The following DNAH5 variants were observed in gnomAD, a reference collection of about 807,000 sequenced individuals.
DNAH5 encodes dynein axonemal heavy chain 5.
Under a neutral mutation model 518.2 loss-of-function variants are expected in DNAH5, and 372 were observed. The observed-to-expected ratio is 0.72, with a 90% CI of 0.66 to 0.78. DNAH5 has a LOEUF of 0.78. Ranked by LOEUF, DNAH5 falls within the 30% of genes least tolerant of loss-of-function variation. The probability of loss-of-function intolerance (pLI) is 0.00; values close to 1 mark genes in which losing one functional copy is unlikely to be tolerated. For missense variants in DNAH5, 5,523 were observed against 5,687.0 expected (o/e 0.97, Z 0.93); for synonymous variants, 2,039 against 2,025.9 (o/e 1.01, Z -0.17).
At chr5:14,004,951 A>C (rs1784617967) in intron 1 of DNAH5, among the ~76,000 whole-genome samples, 1 of 151,970 alleles carries the variant, frequency 6.6e-6, no homozygotes, top group Non-Finnish European at 1.5e-5. Context: ...GTCCCAAACC[A>C]TCCCACGCAT....
intron 1 of DNAH5, among the ~76,000 whole-genome samples, chr5:14,011,080 G>A (rs1785080876): frequency 6.6e-6 from 1 of 151,298 alleles, no homozygotes; most frequent in African/African-American, 2.4e-5. Flanking sequence ...CACCTGCTCC[G>A]ATGCGCACCG....
chr5:13,818,463 G>A (rs907147784), intron 41 of DNAH5, among the ~76,000 whole-genome samples: 3 of 152,316 alleles, frequency 2.0e-5, no homozygotes, highest in Admixed American at 1.3e-4. Flanking sequence ...CAGGCATGGC[G>A]GAAGTGCCAA....
chr5:13,843,495 T>C (rs1190644972), intron 32 of DNAH5, among the ~76,000 whole-genome samples: 1 of 152,206 alleles, frequency 6.6e-6, no homozygotes, highest in Non-Finnish European at 1.5e-5. Flanking sequence ...CTGATACCTG[T>C]GAATGTGACA....
At position 13,753,526 on chromosome 5, in the gene DNAH5, A is replaced by G; in HGVS notation, c.10579T>C (p.Phe3527Leu). The G allele has an allele frequency of 1.2e-6, 2 of 1,613,924 alleles. No homozygotes were observed. Among genetic ancestry groups the G allele is most frequent in the Non-Finnish European group, 1.7e-6 (2 of 1,179,932 alleles). The part of the protein sequence containing the change: ...LVGDVLLATA[F>L]LSYSGPFNQE... ...TTAAATGGACCAGAATAAGATAGAA[A>G]AGCTGTAGCCAACAGTACATCCCCT... Residue 3527 changes from phenylalanine to leucine, a missense_variant, in exon 63 of 79, where the codon TTT becomes CTT. Transcript: ENST00000265104.
intron 78 of DNAH5, among the ~76,000 whole-genome samples, chr5:13,692,418 C>G (rs563653111): frequency 1.3e-5 from 2 of 152,178 alleles, no homozygotes; most frequent in East Asian, 3.9e-4. Context: ...CTTCCTCTCT[C>G]TCCTTTGCAC....
chr5:13,709,619 G>T (rs1178604767), intron 75 of DNAH5, among the ~76,000 whole-genome samples: 2 of 152,124 alleles, frequency 1.3e-5, no homozygotes, highest in Non-Finnish European at 2.9e-5. Flanking sequence ...ATTAGCTCCG[G>T]ATCTACTCCA....
At chr5:13,983,429 A>G (rs974672403) in intron 1 of DNAH5, among the ~76,000 whole-genome samples, 14 of 152,356 alleles carry the variant, frequency 9.2e-5, no homozygotes, top group African/African-American at 3.4e-4. Flanking sequence ...TGGGGAGGTT[A>G]TAGCTATTGA....
chr5:13,976,817 G>A (rs1309000521), intron 1 of DNAH5, among the ~76,000 whole-genome samples: 1 of 151,794 alleles, frequency 6.6e-6, no homozygotes. Flanking sequence ...GATAAGGAGG[G>A]ATTACTGTAT....
intron 1 of DNAH5, chr5:13,932,009 G>A (rs1390878340): frequency 6.6e-6 from 1 of 152,202 alleles, no homozygotes; most frequent in Admixed American, 6.6e-5. Flanking sequence ...TAGACGTTCA[G>A]CTTCCAATTC....
chr5:13,809,084 C>G lies in DNAH5; in HGVS notation c.7712G>C (p.Arg2571Thr), dbSNP rs746824185. 2.5e-6 allele frequency: 4 copies of G among 1,614,160 alleles called. No homozygotes were observed. The South Asian group carries it at 4.4e-5, about 18-fold the overall frequency. The stretch of plus-strand genomic sequence containing the variant: ...AATGGTTTGAATTAGAAAGTCAGTC[C>G]TCACATTGTCAACATTTGGCACCAG... ...SILVPNVDNV[R>T]TDFLIQTIAK... is the part of the protein sequence containing the mutation. The change falls in exon 46 of 79, where the codon AGG (arginine) becomes ACG (threonine). Residue 2571 changes from arginine (R) to threonine (T), a missense_variant. Physicochemically the swap from Arg to Thr is moderately conservative, Grantham distance 71. Around this residue, in one of 3 missense-constraint regions of DNAH5, gnomAD observed 5,121 missense variants for 5,223.3 expected, o/e 0.98. Coordinates refer to ENST00000265104, the MANE Select transcript of DNAH5 (RefSeq NM_001369.3).
At position 13,916,447 on chromosome 5, in the gene DNAH5, C is replaced by T. The variant is rs1776652942; in HGVS notation, c.1098G>A (p.Met366Ile). Reference sequence around the variant, plus strand: ...TTATAAGTGTAGGAATAGCATCCATCATGGATAGCTGAAAGATATCACCAA... The same window carrying T: ...TTATAAGTGTAGGAATAGCATCCATTATGGATAGCTGAAAGATATCACCAA... ...DPLYSSDPLS[M>I]MDAIPTLINA... The change falls in exon 9 of 79, where the codon ATG becomes ATA. Residue 366 changes from methionine to isoleucine, a missense_variant. Transcript: ENST00000265104. 1.3e-5 allele frequency: 20 copies of T among 1,541,206 alleles called. No homozygotes were observed. The highest frequency in any genetic ancestry group is 1.7e-5 in the Non-Finnish European group (19 of 1,116,448).
chr5:13,840,754 A>G, intron 34 of DNAH5, 152 bp downstream of exon 34: 1 of 662,990 alleles, frequency 1.5e-6, no homozygotes. Context: ...TAAGACTGAA[A>G]AGAAAGCTGA....
chr5:13,961,619 G>A (rs915110338), intron 1 of DNAH5, among the ~76,000 whole-genome samples: 4 of 151,696 alleles, frequency 2.6e-5, no homozygotes, highest in South Asian at 2.1e-4. Context: ...GCTCCAGCCC[G>A]GGTGACAGAG....
At chr5:13,843,583 T>C (rs537365137) in intron 32 of DNAH5, among the ~76,000 whole-genome samples, 91 of 152,314 alleles carry the variant, frequency 6.0e-4, no homozygotes, top group Non-Finnish European at 9.6e-4. Context: ...TTTGAGAGAA[T>C]ACATTTCTGT....
intron 1 of DNAH5, among the ~76,000 whole-genome samples, chr5:13,955,718 A>C (rs1301634507): frequency 6.6e-6 from 1 of 152,040 alleles, no homozygotes; most frequent in Non-Finnish European, 1.5e-5. Context: ...TCTCTTTAAG[A>C]AAAAAAAGAA....
At chr5:13,809,738 T>G (rs1760283908) in intron 45 of DNAH5, among the ~76,000 whole-genome samples, 1 of 152,218 alleles carries the variant, frequency 6.6e-6, no homozygotes, top group African/African-American at 2.4e-5. Flanking sequence ...AAATATACTT[T>G]AAACTTTGTG....
At chr5:13,900,447 A>G in intron 14 of DNAH5, 35 bp from the exon 15 acceptor site, 1 of 1,541,566 alleles carries the variant, frequency 6.5e-7, no homozygotes, top group African/African-American at 1.4e-5. Flanking sequence ...ACTATCAGAA[A>G]GTTCAATTCA....
chr5:13,849,312 G>A (rs1463653705), intron 31 of DNAH5, among the ~76,000 whole-genome samples: 3 of 152,194 alleles, frequency 2.0e-5, no homozygotes, highest in African/African-American at 7.2e-5. Flanking sequence ...TAATATTCAT[G>A]GAGGATTCAT....
At chr5:13,858,434 G>A (rs1296201490) in intron 30 of DNAH5, among the ~76,000 whole-genome samples, 8 of 152,140 alleles carry the variant, frequency 5.3e-5, no homozygotes, top group East Asian at 1.9e-4. Flanking sequence ...GTGGGGCAAG[G>A]GGAGGGATAG....
Sources: gnomAD v4.1 joint callset for allele counts (sites outside exome capture counted in the v4.1 genomes callset) on GRCh38, gnomAD v4.1.1 for gene constraint, gnomAD v4.1.1 regional missense constraint, MANE v1.5 for transcripts, NCBI Gene and HGNC (gene_info 2026-07-23, HGNC 2026-07-21) for gene names.